The following EIF4G3 variants were observed in gnomAD, a reference collection of about 807,000 sequenced individuals.
EIF4G3 encodes eIF-4-gamma 3.
A neutral mutation model predicts 186.4 loss-of-function variants in EIF4G3; 34 were observed. That is an observed-to-expected ratio of 0.18 (90% CI 0.14 to 0.24). EIF4G3 has a LOEUF of 0.24. Ranked by LOEUF, EIF4G3 falls within the 10% of genes least tolerant of loss-of-function variation. The probability of loss-of-function intolerance (pLI) is 1.00; values close to 1 mark genes in which losing one functional copy is unlikely to be tolerated. For missense variants in EIF4G3, 1,536 were observed against 1,948.5 expected, an observed-to-expected ratio of 0.79 and a Z score of 3.99; for synonymous variants, 673 against 679.5, an observed-to-expected ratio of 0.99 and a Z score of 0.15.
intron 15 of EIF4G3, among the ~76,000 whole-genome samples, chr1:20,902,861 G>A (rs1362224419): frequency 2.0e-5 from 3 of 152,126 alleles, no homozygotes; most frequent in Non-Finnish European, 2.9e-5. Context: ...GGCTGGTCTC[G>A]AAATCCTGGC....
intron 7 of EIF4G3, 92 bp downstream of exon 7, chr1:20,997,509 T>C: frequency 8.1e-7 from 1 of 1,232,268 alleles, no homozygotes; most frequent in East Asian, 2.5e-5. Context: ...ATTTGAGTAG[T>C]TCTATGGGAT....
rs564507749 is a variant in EIF4G3, at chr1:20,936,981, G to C, written c.1663+4510C>G. Among the ~76,000 whole-genome samples, 20 of 152,286 alleles carry C rather than the reference G, an allele frequency of 1.3e-4. No homozygotes were observed. The South Asian group carries it at 3.9e-3, about 30-fold the overall frequency. The stretch of plus-strand genomic sequence containing the variant: ...TTACGAGAATATAAGGTAAACTACA[G>C]GTCAGTGGCTGATGCCATCCTTACA... On this transcript the variant is annotated intron_variant, in intron 14 of 36. Transcript: ENST00000602326.
At chr1:20,893,093 C>CTTTTTTT (rs1184859243) in intron 18 of EIF4G3, 5 of 145,574 alleles carry the variant, frequency 3.4e-5, no homozygotes, top group Admixed American at 7.0e-5. Context: ...TTTTTCTTTT[C>CTTTTTTT]TTTTTTTTTT....
chr1:21,158,760 C>A (rs34711566), intron 2 of EIF4G3, among the ~76,000 whole-genome samples: 3,638 of 151,970 alleles, frequency 0.024, 65 homozygotes, highest in Non-Finnish European at 0.029. Context: ...CACTCTCTCT[C>A]TATATATATA....
intron 15 of EIF4G3, among the ~76,000 whole-genome samples, chr1:20,902,836 T>C (rs1457017816): frequency 6.6e-6 from 1 of 152,160 alleles, no homozygotes; most frequent in East Asian, 1.9e-4. Flanking sequence ...AGATGGGGTT[T>C]CGTCATGTTG....
At chr1:21,080,658 C>T (rs570089780) in intron 3 of EIF4G3, among the ~76,000 whole-genome samples, 14 of 151,906 alleles carry the variant, frequency 9.2e-5, no homozygotes, top group African/African-American at 1.7e-4. Flanking sequence ...TACAGGTGTG[C>T]GCCACCATGC....
At chr1:21,152,510 T>G (rs2097569782) in intron 2 of EIF4G3, among the ~76,000 whole-genome samples, 1 of 151,484 alleles carries the variant, frequency 6.6e-6, no homozygotes, top group South Asian at 2.1e-4. Context: ...ACATGAAGCT[T>G]CTTTATAAAA....
intron 6 of EIF4G3, among the ~76,000 whole-genome samples, chr1:20,998,147 T>C (rs961514242): frequency 2.0e-5 from 3 of 152,054 alleles, no homozygotes; most frequent in African/African-American, 7.2e-5. Flanking sequence ...TGGGATATCT[T>C]ATCCATGAAA....
intron 4 of EIF4G3, among the ~76,000 whole-genome samples, chr1:21,043,891 T>G (rs1224188780): frequency 2.1e-4 from 30 of 141,764 alleles, no homozygotes; most frequent in South Asian, 4.4e-4. Flanking sequence ...AAAGGAAGGA[T>G]GGAAAGAAAG....
intron 3 of EIF4G3, among the ~76,000 whole-genome samples, chr1:21,072,597 T>C (rs2095477361): frequency 6.6e-6 from 1 of 151,856 alleles, no homozygotes; most frequent in African/African-American, 2.4e-5. Context: ...AGAGACGGGG[T>C]TTCACTGTGT....
At chr1:21,107,465 C>T (rs190665607) in intron 2 of EIF4G3, among the ~76,000 whole-genome samples, 1 of 152,136 alleles carries the variant, frequency 6.6e-6, no homozygotes, top group African/African-American at 2.4e-5. Flanking sequence ...AGCTACCGGG[C>T]CCAACCTGAA....
At chr1:20,945,313 A>G (rs1373034598) in intron 13 of EIF4G3, among the ~76,000 whole-genome samples, 1 of 152,222 alleles carries the variant, frequency 6.6e-6, no homozygotes, top group Non-Finnish European at 1.5e-5. Context: ...AATACAAGAA[A>G]AAAGGAGAAA....
intron 4 of EIF4G3, among the ~76,000 whole-genome samples, chr1:21,033,871 T>A (rs2092956713): frequency 6.6e-6 from 1 of 152,036 alleles, no homozygotes; most frequent in South Asian, 2.1e-4. Flanking sequence ...GAGGATAGAC[T>A]AAGGTGAGTT....
At chr1:20,864,178 T>C (rs2077060507) in intron 22 of EIF4G3, among the ~76,000 whole-genome samples, 1 of 152,190 alleles carries the variant, frequency 6.6e-6, no homozygotes. Context: ...TAGTTTTTCT[T>C]TGCATATTTC....
intron 2 of EIF4G3, among the ~76,000 whole-genome samples, chr1:21,095,905 AATG>A (rs1328341339): frequency 6.6e-6 from 1 of 152,252 alleles, no homozygotes; most frequent in Non-Finnish European, 1.5e-5. Context: ...TGTGAGACAA[AATG>A]ATATTCATAT....
intron 2 of EIF4G3, among the ~76,000 whole-genome samples, chr1:21,153,535 G>A (rs192178484): frequency 1.9e-4 from 29 of 152,254 alleles, no homozygotes; most frequent in Non-Finnish European, 4.0e-4. Context: ...AGCAGGTACA[G>A]CAATTTGTGA....
At chr1:20,986,174 G>A (rs911656540) in intron 7 of EIF4G3, among the ~76,000 whole-genome samples, 1 of 152,114 alleles carries the variant, frequency 6.6e-6, no homozygotes, top group African/African-American at 2.4e-5. Context: ...TATCGAGGTG[G>A]GGTCTGCCCA....
At chr1:21,153,214 G>A (rs1436862154) in intron 2 of EIF4G3, among the ~76,000 whole-genome samples, 1 of 151,954 alleles carries the variant, frequency 6.6e-6, no homozygotes, top group African/African-American at 2.4e-5. Flanking sequence ...TATTTTTGAA[G>A]GGAAGCTAAA....
At position 20,857,383 on chromosome 1, in the gene EIF4G3, A is replaced by C; in HGVS notation, c.3339+20T>G. 1 of 1,589,848 alleles carries C rather than the reference A, an allele frequency of 6.3e-7. No homozygotes were observed. The highest frequency in any genetic ancestry group is 8.6e-7 in the Non-Finnish European group (1 of 1,158,056). On this transcript the variant is annotated intron_variant, in intron 25 of 36. Coordinates refer to ENST00000602326, the MANE Select transcript of EIF4G3 (RefSeq NM_001391906.1). ...GGCATCAAAGGAGAGCGTAAATTGT[A>C]CTTTAAATGTCAGACTCACCTTAGT...
Sources: gnomAD v4.1 joint callset for allele counts (sites outside exome capture counted in the v4.1 genomes callset) on GRCh38, gnomAD v4.1.1 for gene constraint, MANE v1.5 for transcripts, NCBI Gene and HGNC (gene_info 2026-07-23, HGNC 2026-07-21) for gene names.